The following DNM3 variants were observed in gnomAD, a reference collection of about 807,000 sequenced individuals.
DNM3 encodes the protein dynamin-3.
A neutral mutation model predicts 101.6 loss-of-function variants in DNM3; 47 were observed. The observed-to-expected ratio is 0.46, with a 90% CI of 0.37 to 0.59. The LOEUF is 0.59. Ranked by LOEUF, DNM3 falls within the 20% of genes least tolerant of loss-of-function variation. The pLI is 0.00. For synonymous variants in DNM3, 385 were observed against 387.9 expected (o/e 0.99, Z 0.09); for missense variants, 849 against 1,085.7 (o/e 0.78, Z 3.06).
chr1:172,390,332 T>G (rs1397305192), intron 20 of DNM3, among the ~76,000 whole-genome samples: 2 of 152,204 alleles, frequency 1.3e-5, no homozygotes, highest in Non-Finnish European at 2.9e-5. Context: ...GGCAGTGAGG[T>G]TAAACAGCTT....
At chr1:171,926,076 C>A (rs561976565) in intron 2 of DNM3, among the ~76,000 whole-genome samples, 2 of 152,240 alleles carry the variant, frequency 1.3e-5, no homozygotes, top group African/African-American at 4.8e-5. Flanking sequence ...TATTTTCATA[C>A]AAGTACCATG....
At chr1:172,311,882 G>A (rs1459553485) in intron 16 of DNM3, among the ~76,000 whole-genome samples, 3 of 152,074 alleles carry the variant, frequency 2.0e-5, no homozygotes, top group African/African-American at 7.2e-5. Flanking sequence ...AGTACATACC[G>A]AAGGCAACAC....
chr1:172,302,534 T>C (rs1324711093), intron 15 of DNM3, among the ~76,000 whole-genome samples: 6 of 152,232 alleles, frequency 3.9e-5, no homozygotes, highest in Admixed American at 3.3e-4. Flanking sequence ...CCCAGCATGA[T>C]GTTTGAGCTC....
chr1:172,190,933 T>C (rs1248246988), intron 14 of DNM3, among the ~76,000 whole-genome samples: 1 of 152,218 alleles, frequency 6.6e-6, no homozygotes, highest in South Asian at 2.1e-4. Flanking sequence ...GTCAGACAGG[T>C]AGATTGTAAA....
intron 10 of DNM3, among the ~76,000 whole-genome samples, chr1:172,055,614 A>G (rs1207759315): frequency 6.6e-6 from 1 of 152,136 alleles, no homozygotes; most frequent in Non-Finnish European, 1.5e-5. Flanking sequence ...TCATCGCTCT[A>G]TTTTCCACCC....
chr1:172,170,063 C>G (rs2058895625), intron 14 of DNM3, among the ~76,000 whole-genome samples: 1 of 151,806 alleles, frequency 6.6e-6, no homozygotes, highest in South Asian at 2.1e-4. Flanking sequence ...CTATGCACTA[C>G]AAAGCACTAG....
chr1:172,208,840 C>G (rs773882763), intron 14 of DNM3, among the ~76,000 whole-genome samples: 1 of 151,958 alleles, frequency 6.6e-6, no homozygotes, highest in East Asian at 1.9e-4. Flanking sequence ...AGCACTTGCA[C>G]GTTTGTGCAT....
chr1:171,941,876 G>A (rs1332708105), intron 2 of DNM3, among the ~76,000 whole-genome samples: 1 of 152,156 alleles, frequency 6.6e-6, no homozygotes, highest in Non-Finnish European at 1.5e-5. Flanking sequence ...CTGAGTTTCT[G>A]TGGTTAAAGG....
chr1:171,911,929 G>A (rs1394026819), intron 1 of DNM3, among the ~76,000 whole-genome samples: 3 of 152,070 alleles, frequency 2.0e-5, no homozygotes, highest in Non-Finnish European at 2.9e-5. Flanking sequence ...CGTGGAGAGG[G>A]GCAAGGGAGG....
At chr1:172,161,623 C>A (rs1366547427) in intron 14 of DNM3, among the ~76,000 whole-genome samples, 1 of 151,948 alleles carries the variant, frequency 6.6e-6, no homozygotes, top group Non-Finnish European at 1.5e-5. Context: ...TGATTCAGGA[C>A]TGCAATCTGG....
intron 14 of DNM3, among the ~76,000 whole-genome samples, chr1:172,162,809 G>A (rs796973425): frequency 2.6e-5 from 4 of 152,120 alleles, no homozygotes; most frequent in African/African-American, 9.6e-5. Flanking sequence ...TTATGTGAGA[G>A]TATTACTCTT....
chr1:172,065,031 C>T (rs772129771), intron 10 of DNM3, among the ~76,000 whole-genome samples: 2 of 152,260 alleles, frequency 1.3e-5, no homozygotes, highest in Non-Finnish European at 2.9e-5. Context: ...GAGACACACA[C>T]GTGCACACAA....
chr1:172,381,973 A>T (rs527425662), intron 18 of DNM3, among the ~76,000 whole-genome samples: 30 of 152,294 alleles, frequency 2.0e-4, no homozygotes, highest in African/African-American at 7.2e-4. Flanking sequence ...CTTCTGAAAA[A>T]GAATATGTTT....
chr1:172,321,271 T>C (rs2065702710), intron 16 of DNM3, among the ~76,000 whole-genome samples: 1 of 152,218 alleles, frequency 6.6e-6, no homozygotes, highest in Non-Finnish European at 1.5e-5. Flanking sequence ...AAAGTGCTGA[T>C]GACCCCTCAT....
intron 3 of DNM3, 82 bp downstream of exon 3, chr1:171,987,887 A>G (rs2045375062): frequency 5.3e-6 from 7 of 1,310,558 alleles, no homozygotes; most frequent in Non-Finnish European, 7.0e-6. Context: ...TGTACAGAAG[A>G]TACAAATAGT....
chr1:172,066,855 T>C lies in DNM3; in HGVS notation c.1336-1964T>C, dbSNP rs185224615. 5.3e-5 allele frequency among the ~76,000 whole-genome samples: 8 copies of C among 152,314 alleles called. No homozygotes were observed. The South Asian group carries it at 1.2e-3, about 24-fold the overall frequency. On this transcript the variant is annotated intron_variant, in intron 10 of 20. Transcript: ENST00000627582. ...AGTTTATAGTTTGTTTATCTTATTG[T>C]TGCTTTTCCAACTAATGCTGTGATG...
chr1:172,037,598 G>T (rs1242889716), intron 6 of DNM3, among the ~76,000 whole-genome samples: 1 of 152,074 alleles, frequency 6.6e-6, no homozygotes, highest in African/African-American at 2.4e-5. Flanking sequence ...AACAATCTGG[G>T]TTTTTATCTC....
chr1:171,993,051 T>A (rs988639410), intron 4 of DNM3, among the ~76,000 whole-genome samples: 4 of 152,112 alleles, frequency 2.6e-5, no homozygotes, highest in African/African-American at 9.6e-5. Context: ...AACTTTTACA[T>A]TACATGCCTA....
intron 4 of DNM3, among the ~76,000 whole-genome samples, chr1:172,023,409 G>C (rs2125760068): frequency 6.6e-6 from 1 of 152,224 alleles, no homozygotes; most frequent in Middle Eastern, 3.4e-3. Context: ...TTTTCCTACT[G>C]TCACGTTTAT....
Sources: allele counts gnomAD v4.1 joint callset (sites outside exome capture counted in the v4.1 genomes callset), GRCh38; gene constraint gnomAD v4.1.1; transcripts MANE v1.5; gene names NCBI Gene and HGNC (gene_info 2026-07-23, HGNC 2026-07-21).